Variants in CDC42BPG observed in about 807,000 individuals in gnomAD.
CDC42BPG encodes the protein serine/threonine-protein kinase MRCK gamma.
Under a neutral mutation model 192.2 loss-of-function variants are expected in CDC42BPG, and 157 were observed. The observed-to-expected ratio is 0.82, with a 90% confidence interval of 0.72 to 0.93. The LOEUF (loss-of-function observed/expected upper bound fraction) is 0.93. Ranked by LOEUF, CDC42BPG falls within the 40% of genes least tolerant of loss-of-function variation. The pLI is 0.00. For missense variants in CDC42BPG, 1,992 were observed against 2,122.1 expected, an observed-to-expected ratio of 0.94 and a Z score of 1.20; for synonymous variants, 981 against 918.5, an observed-to-expected ratio of 1.07 and a Z score of -1.23.
chr11:64,836,660 C>T, intron 11 of CDC42BPG, 79 bp downstream of exon 11: 1 of 1,094,158 alleles, frequency 9.1e-7, no homozygotes, highest in East Asian at 3.1e-5. Flanking sequence ...GATCATACAG[C>T]TTGTCCAGGG....
intron 30 of CDC42BPG, among the ~76,000 whole-genome samples, chr11:64,828,985 G>C (rs1942560013): frequency 6.6e-6 from 1 of 151,676 alleles, no homozygotes; most frequent in African/African-American, 2.4e-5. Flanking sequence ...GGGAAGCAAA[G>C]GTTGCAGTGA....
rs542086743 is a variant in CDC42BPG at position 64,839,297 on chromosome 11, C to A, written c.676-64G>T. 3 of 1,583,536 alleles carry A rather than the reference C, an allele frequency of 1.9e-6. No homozygotes were observed. In the African/African-American group the frequency reaches 4.0e-5, roughly 21 times the overall value. ...GGCTTGGCTGGGACTGCTGGCTCCT[C>A]GCGATGGCCCTGTCACCCCTACTCT... On this transcript the variant is annotated intron_variant, in intron 6 of 36. Coordinates refer to ENST00000342711, the MANE Select transcript of CDC42BPG (RefSeq NM_017525.3).
Position 64,833,908 on chromosome 11 carries a change from C to T in CDC42BPG, c.2466+17G>A, listed in dbSNP as rs1261653687. 2.5e-6 allele frequency: 4 copies of T among 1,614,256 alleles called. No homozygotes were observed. The highest frequency in any genetic ancestry group is 2.5e-6 in the Non-Finnish European group (3 of 1,180,036). Reference sequence around the variant, plus strand: ...CCCAGAACTTCTCCCCAACAAGCCCCTTGGCCTGGTCCTTACCTCTGAGCT... The same window carrying T: ...CCCAGAACTTCTCCCCAACAAGCCCTTTGGCCTGGTCCTTACCTCTGAGCT... On this transcript the variant is annotated intron_variant, in intron 21 of 36. Coordinates refer to ENST00000342711, the MANE Select transcript of CDC42BPG (RefSeq NM_017525.3).
At chr11:64,828,453 G>A (rs1565671460) in intron 30 of CDC42BPG, among the ~76,000 whole-genome samples, 1 of 152,208 alleles carries the variant, frequency 6.6e-6, no homozygotes, top group East Asian at 1.9e-4. Flanking sequence ...CGTGACACAG[G>A]TCTGGACGGA....
In CDC42BPG at chr11:64,836,831, G is replaced by A; in HGVS notation, c.1304-12C>T. On this transcript the variant is annotated splice_polypyrimidine_tract_variant and intron_variant, in intron 10 of 36. Coordinates refer to ENST00000342711, the MANE Select transcript of CDC42BPG (RefSeq NM_017525.3). The stretch of plus-strand genomic sequence containing the variant: ...GGCGTGCAGGGCCTCTGGAGGGGAG[G>A]TGGTACCCACAGGTGAGTCCACTCC... 1 of 1,610,216 alleles carries A rather than the reference G, an allele frequency of 6.2e-7. No individual in the cohort carries two copies. The highest frequency in any genetic ancestry group is 8.5e-7 in the Non-Finnish European group (1 of 1,177,996).
In CDC42BPG at chr11:64,836,910, C is replaced by G; in HGVS notation, c.1303+12G>C. ...CCAGCACACCCAGGCCCGGCCCAGC[C>G]GCTCCCAGTACCTTGGTGCTTCCTG... is the stretch of plus-strand genomic sequence containing the variant. On this transcript the variant is annotated intron_variant, in intron 10 of 36. Transcript: ENST00000342711. The G allele has an allele frequency of 1.9e-6, 3 of 1,613,098 alleles. No individual in the cohort carries two copies. Among genetic ancestry groups the G allele is most frequent in the South Asian group, 1.1e-5 (1 of 91,088 alleles).
Position 64,831,803 on chromosome 11 carries a change from G to A in CDC42BPG, c.3088-82C>T. 3 of 1,280,712 alleles carry A rather than the reference G, an allele frequency of 2.3e-6. No homozygotes were observed. In the South Asian group the frequency reaches 4.1e-5, roughly 17 times the overall value. The allele number at this position is 1,280,712 out of a possible 1,614,324, so 79.3% of individuals were successfully genotyped here. A position where few individuals can be genotyped will look rare whatever the true frequency, so the allele number is the denominator to read the frequency against. On this transcript the variant is annotated intron_variant, in intron 27 of 36. Coordinates refer to ENST00000342711, the MANE Select transcript of CDC42BPG (RefSeq NM_017525.3). ...CCTTCCTGCCTCCAGCAGCCGCTGT[G>A]CCCCGGGGGCCTAGCGTGCACTGTC...
chr11:64,827,658 C>G, intron 31 of CDC42BPG, 28 bp downstream of exon 31: 2 of 1,606,086 alleles, frequency 1.2e-6, no homozygotes, highest in Middle Eastern at 1.7e-4. Flanking sequence ...ACCCCCGGCG[C>G]TACCCCAGGG....
rs769562756 is a variant in CDC42BPG, at chr11:64,824,427, T to A, written c.*46A>T. 6 of 1,291,224 alleles carry A rather than the reference T, an allele frequency of 4.6e-6. No homozygotes were observed. In the Admixed American group the frequency reaches 1.0e-4, roughly 22 times the overall value. The allele number at this position is 1,291,224 out of a possible 1,614,324, so 80.0% of individuals were successfully genotyped here. On this transcript the variant is annotated 3_prime_UTR_variant, in exon 37 of 37. Coordinates refer to ENST00000342711, the MANE Select transcript of CDC42BPG (RefSeq NM_017525.3). ...GGCATTCCTCAAGCTCTTTGCTCCC[T>A]CATGTCCTTCTGCCCTGGGATTGGG...
In CDC42BPG at chr11:64,823,920, C is replaced by T. The variant is rs1273629227; in HGVS notation, c.*553G>A. ...TACCTCCTTCCAATTCCTATCACCTCCTCCTCCACTTCCTTCCTCCTATCC... is the reference window on the plus strand; with the variant it reads ...TACCTCCTTCCAATTCCTATCACCTTCTCCTCCACTTCCTTCCTCCTATCC... On this transcript the variant is annotated 3_prime_UTR_variant, in exon 37 of 37. Coordinates refer to ENST00000342711, the MANE Select transcript of CDC42BPG (RefSeq NM_017525.3). 1 of 160,034 alleles carries T rather than the reference C, an allele frequency of 6.2e-6. No homozygotes were observed. The highest frequency in any genetic ancestry group is 2.4e-5 in the African/African-American group (1 of 41,470). 9.9% of individuals were successfully genotyped at this position (160,034 alleles called of 1,614,324 possible).
chr11:64,836,250 A>AGCTCCT lies in CDC42BPG; in HGVS notation c.1529_1534dup (p.Gln510_Glu511dup), dbSNP rs1467926696. 7.5e-6 allele frequency: 12 copies of AGCTCCT among 1,602,026 alleles called. No homozygotes were observed. Among genetic ancestry groups the AGCTCCT allele is most frequent in the Middle Eastern group, 1.7e-4 (1 of 5,982 alleles). On this transcript the variant is annotated inframe_insertion, in exon 13 of 37. Coordinates refer to ENST00000342711, the MANE Select transcript of CDC42BPG (RefSeq NM_017525.3). ...CTCCTGCTGCCCCTGGGCCCTGCAG[A>AGCTCCT]GCTCCTGCTCCTGAGCCTGCAGCCC... is the stretch of plus-strand genomic sequence containing the variant.
Position 64,836,723 on chromosome 11 carries a change from T to TGGGC in CDC42BPG, c.1384+12_1384+15dup. 2.6e-6 allele frequency: 1 copy of TGGGC among 379,140 alleles called. No homozygotes were observed. Among genetic ancestry groups the TGGGC allele is most frequent in the Non-Finnish European group, 4.1e-6 (1 of 244,548 alleles). The allele number at this position is 379,140 out of a possible 1,614,324, so 23.5% of individuals were successfully genotyped here. On this transcript the variant is annotated intron_variant, in intron 11 of 36. Coordinates refer to ENST00000342711, the MANE Select transcript of CDC42BPG (RefSeq NM_017525.3). ...CTCAGCCCTGGGGGGGGGGGGGGGG[T>TGGGC]GGGCGGAAGGGATACCTGGCAGCCT...
chr11:64,831,389 G>A, intron 28 of CDC42BPG, 116 bp downstream of exon 28: 1 of 972,670 alleles, frequency 1.0e-6, no homozygotes, highest in Non-Finnish European at 1.5e-6. Flanking sequence ...GTGCAAGGCA[G>A]TCTGTGTCTC....
Position 64,823,201 on chromosome 11 carries a change from C to G in CDC42BPG, c.*1272G>C, listed in dbSNP as rs1300015862. Among the ~76,000 whole-genome samples, 2 of 151,928 alleles carry G rather than the reference C, an allele frequency of 1.3e-5. No homozygotes were observed. The highest frequency in any genetic ancestry group is 4.8e-5 in the African/African-American group (2 of 41,358). Reference sequence around the variant, plus strand: ...TCCCGGGTTCACGCCATTCTCCTGCCTCAGCCTCCCGAGTAGCAGGGACTA... The same window carrying G: ...TCCCGGGTTCACGCCATTCTCCTGCGTCAGCCTCCCGAGTAGCAGGGACTA... On this transcript the variant is annotated 3_prime_UTR_variant, in exon 37 of 37. Coordinates refer to ENST00000342711, the MANE Select transcript of CDC42BPG (RefSeq NM_017525.3).
chr11:64,824,451 G>T lies in CDC42BPG; in HGVS notation c.*22C>A. The T allele has an allele frequency of 6.7e-7, 1 of 1,497,166 alleles. No individual in the cohort carries two copies. Among genetic ancestry groups the T allele is most frequent in the Non-Finnish European group, 9.3e-7 (1 of 1,072,236 alleles). The allele number at this position is 1,497,166 out of a possible 1,614,324, so 92.7% of individuals were successfully genotyped here. On this transcript the variant is annotated 3_prime_UTR_variant, in exon 37 of 37. Coordinates refer to ENST00000342711, the MANE Select transcript of CDC42BPG (RefSeq NM_017525.3). ...CTCATGTCCTTCTGCCCTGGGATTGGGGTGGGCCCTAACAGAGGGCATCAA... is the reference window on the plus strand; with the variant it reads ...CTCATGTCCTTCTGCCCTGGGATTGTGGTGGGCCCTAACAGAGGGCATCAA...
chr11:64,838,147 GC>G lies in CDC42BPG; in HGVS notation c.1140del (p.Ser382ProfsTer48). The part of the protein sequence containing the change: ...DTLNHPGTLP[P>X]PSHGAFSGHH... ...TGGCCGGAGAAGGCCCCGTGGGAGGGCGGTGGCAGGGTCCCCTGCAGAGGGA... is the reference window on the plus strand; with the variant it reads ...TGGCCGGAGAAGGCCCCGTGGGAGGGGGTGGCAGGGTCCCCTGCAGAGGGA... On this transcript the variant is annotated frameshift_variant, in exon 9 of 37. Coordinates refer to ENST00000342711, the MANE Select transcript of CDC42BPG (RefSeq NM_017525.3). LOFTEE classifies it high-confidence loss of function. 1 of 1,553,318 alleles carries G rather than the reference GC, an allele frequency of 6.4e-7. No homozygotes were observed. The highest frequency in any genetic ancestry group is 8.7e-7 in the Non-Finnish European group (1 of 1,148,976).
chr11:64,832,328 C>T, intron 27 of CDC42BPG, 100 bp downstream of exon 27: 1 of 1,227,120 alleles, frequency 8.1e-7, no homozygotes, highest in African/African-American at 1.5e-5. Context: ...TGGTTGTGGG[C>T]TGGCCCAAGA....
rs1592721281 is a variant in CDC42BPG at position 64,839,651 on chromosome 11, G to A, written c.582-80C>T. Reference sequence around the variant, plus strand: ...TTTAGGCACACGCCCAGGTGCACATGCACGGTGTGTGCCAGCACCAGCTCA... The same window carrying A: ...TTTAGGCACACGCCCAGGTGCACATACACGGTGTGTGCCAGCACCAGCTCA... On this transcript the variant is annotated intron_variant, in intron 5 of 36. Transcript: ENST00000342711. 3.8e-5 allele frequency: 45 copies of A among 1,169,492 alleles called. 1 individual carries two copies. In the East Asian group the frequency reaches 1.1e-3, roughly 29 times the overall value. 72.4% of individuals were successfully genotyped at this position (1,169,492 alleles called of 1,614,324 possible).
rs1407669842 is a variant in CDC42BPG at position 64,827,113 on chromosome 11, G to C, written c.4326C>G (p.Asn1442Lys). Residue 1442 changes from asparagine (N) to lysine (K), a missense_variant, in exon 34 of 37, where the codon AAC becomes AAG. Around this residue, in one of 2 missense-constraint regions of CDC42BPG, gnomAD observed 336 missense variants for 277.9 expected, o/e 1.21. Coordinates refer to ENST00000342711, the MANE Select transcript of CDC42BPG (RefSeq NM_017525.3). ...GGCCCACGTGTACTAGGTGGTTGAA[G>C]TTGGTAGGCGGCGAGATGAGCTTGG... Reference protein sequence around the residue: ...VRSKLISPPTNFNHLVHVGPA... With the variant: ...VRSKLISPPTKFNHLVHVGPA... 1.2e-6 allele frequency: 2 copies of C among 1,614,176 alleles called. No individual in the cohort carries two copies. The highest frequency in any genetic ancestry group is 1.7e-6 in the Non-Finnish European group (2 of 1,180,000).
Sources: allele counts gnomAD v4.1 joint callset (sites outside exome capture counted in the v4.1 genomes callset), GRCh38; gene constraint gnomAD v4.1.1; regional missense constraint gnomAD v4.1.1; transcripts MANE v1.5; gene names NCBI Gene and HGNC (gene_info 2026-07-23, HGNC 2026-07-21).